TGFBRAP1: variants seen among roughly 807,000 people sequenced by gnomAD.
TGFBRAP1 encodes the protein transforming growth factor-beta receptor-associated protein 1.
Under a neutral mutation model 83.2 loss-of-function variants are expected in TGFBRAP1, and 20 were observed. That is an observed-to-expected ratio of 0.24 (90% confidence interval 0.17 to 0.35). The LOEUF (loss-of-function observed/expected upper bound fraction) is 0.35, where lower values mean the gene tolerates loss of function less well. TGFBRAP1 is among the 10% of genes least tolerant of loss of function. The pLI is 1.00. For missense variants in TGFBRAP1, 950 were observed against 1,099.4 expected (o/e 0.86, Z 1.92); for synonymous variants, 415 against 459.8 (o/e 0.90, Z 1.25).
At chr2:105,318,403 T>C (rs1005086702) in intron 1 of TGFBRAP1, among the ~76,000 whole-genome samples, 6 of 152,178 alleles carry the variant, frequency 3.9e-5, no homozygotes, top group African/African-American at 1.4e-4. Flanking sequence ...TTATTATGAC[T>C]CTCTATATCT....
intron 2 of TGFBRAP1, among the ~76,000 whole-genome samples, chr2:105,304,826 C>T (rs1678441716): frequency 1.3e-5 from 2 of 152,058 alleles, no homozygotes; most frequent in Admixed American, 6.6e-5. Context: ...CGAAAGAAGC[C>T]AATCTGAAAA....
Position 105,308,090 on chromosome 2 carries a change from C to T in TGFBRAP1, c.212G>A (p.Arg71Lys). The change falls in exon 2 of 12, where the codon AGA becomes AAA. Residue 71 changes from arginine to lysine, a missense_variant. By Grantham distance (26) the Arg-to-Lys change is conservative. Transcript: ENST00000393359. Reference protein sequence around the residue: ...ATFTATKQLQRHLGFKKPVNE... With the variant: ...ATFTATKQLQKHLGFKKPVNE... ...CACGGGCTTCTTGAAGCCCAAGTGT[C>T]TCTGCAGCTGTTTGGTGGCAGTGAA... 1 of 1,613,926 alleles carries T rather than the reference C, an allele frequency of 6.2e-7. No individual in the cohort carries two copies. The highest frequency in any genetic ancestry group is 8.5e-7 in the Non-Finnish European group (1 of 1,179,904).
In TGFBRAP1 at chr2:105,275,689, A is replaced by G; in HGVS notation, c.1536T>C (p.Ile512=). 1.2e-6 allele frequency: 2 copies of G among 1,609,330 alleles called. No homozygotes were observed. Among genetic ancestry groups the G allele is most frequent in the Non-Finnish European group, 1.7e-6 (2 of 1,178,748 alleles). ...TGGAGTCCTGGACATCGCCATTCAC[A>G]ATGTTCACCCACAACTGGAAAGGAA... ...DAAAVQLWVN[I]VNGDVQDSTR... Residue 512 remains isoleucine (I), a synonymous_variant, in exon 8 of 12, where the codon ATT becomes ATC. Transcript: ENST00000393359.
At chr2:105,259,593 GA>G (rs1407588417), downstream of TGFBRAP1, among the ~76,000 whole-genome samples, 1 of 152,150 alleles carries the variant, frequency 6.6e-6, no homozygotes. Context: ...AGGTTTATAT[GA>G]AGAGGGGTTG....
At chr2:105,287,656 G>T (rs1001532348) in intron 4 of TGFBRAP1, among the ~76,000 whole-genome samples, 5 of 152,106 alleles carry the variant, frequency 3.3e-5, no homozygotes, top group African/African-American at 1.2e-4. Flanking sequence ...GTGCAGCTGG[G>T]TGTGGCCGTC....
At chr2:105,316,465 GCGCGCGCGCGCGCGCA>G (rs1264902856) in intron 1 of TGFBRAP1, among the ~76,000 whole-genome samples, 3 of 58,474 alleles carry the variant, frequency 5.1e-5, no homozygotes, top group South Asian at 6.2e-4. Flanking sequence ...GTGTGTGTGC[GCGCGCGCGCGCGCGCA>G]CGCGCACATA....
intron 4 of TGFBRAP1, among the ~76,000 whole-genome samples, chr2:105,289,585 T>C (rs1049653020): frequency 2.0e-5 from 3 of 152,318 alleles, no homozygotes; most frequent in Admixed American, 2.0e-4. Context: ...ACTTGCACTC[T>C]GTGTAACTTG....
chr2:105,264,066 C>T (rs1031039661), downstream of TGFBRAP1, among the ~76,000 whole-genome samples: 1 of 152,126 alleles, frequency 6.6e-6, no homozygotes, highest in Non-Finnish European at 1.5e-5. Context: ...TTAAAAGGTA[C>T]GATTTTGTAA....
At chr2:105,326,362 A>G (rs566198321) in intron 1 of TGFBRAP1, among the ~76,000 whole-genome samples, 1 of 152,210 alleles carries the variant, frequency 6.6e-6, no homozygotes, top group African/African-American at 2.4e-5. Flanking sequence ...AGCAGAATAG[A>G]AATATGGCAT....
chr2:105,254,247 C>G, the TGFBRAP1 span, among the ~76,000 whole-genome samples: 227 of 152,262 alleles, frequency 1.5e-3, 2 homozygotes, highest in East Asian at 0.034. Context: ...ACCAGCTGAG[C>G]TGGAGAATTC....
At chr2:105,311,982 T>C (rs1678709883) in intron 1 of TGFBRAP1, among the ~76,000 whole-genome samples, 1 of 152,134 alleles carries the variant, frequency 6.6e-6, no homozygotes, top group Non-Finnish European at 1.5e-5. Context: ...CTAATTCACA[T>C]GATATATTTA....
chr2:105,270,847 C>T (rs1287003780), intron 10 of TGFBRAP1, among the ~76,000 whole-genome samples: 1 of 152,244 alleles, frequency 6.6e-6, no homozygotes, highest in African/African-American at 2.4e-5. Flanking sequence ...GTGATTTACA[C>T]TTCCACATCT....
the TGFBRAP1 span, among the ~76,000 whole-genome samples, chr2:105,257,324 G>A: frequency 1.3e-5 from 2 of 152,122 alleles, no homozygotes; most frequent in Non-Finnish European, 2.9e-5. Context: ...GATTTTAAGT[G>A]TATAGTTCTG....
chr2:105,301,774 C>T (rs1678303291), intron 2 of TGFBRAP1, among the ~76,000 whole-genome samples: 1 of 152,004 alleles, frequency 6.6e-6, no homozygotes. Context: ...GTTGCACAGG[C>T]TGGAGTGTAG....
downstream of TGFBRAP1, among the ~76,000 whole-genome samples, chr2:105,261,701 G>C (rs571450891): frequency 6.6e-6 from 1 of 152,072 alleles, no homozygotes; most frequent in African/African-American, 2.4e-5. Flanking sequence ...ACAGTGAGCC[G>C]AGATCACGCC....
At chr2:105,311,153 A>AAAC (rs879907179) in intron 1 of TGFBRAP1, among the ~76,000 whole-genome samples, 9 of 143,978 alleles carry the variant, frequency 6.3e-5, no homozygotes, top group African/African-American at 2.2e-4. Context: ...TGTAAAAAAA[A>AAAC]AAAAAAAACA....
chr2:105,329,604 C>T (rs1456436856), intron 1 of TGFBRAP1, 21 bp downstream of exon 1: 1 of 148,418 alleles, frequency 6.7e-6, no homozygotes, highest in African/African-American at 2.4e-5. Context: ...CACCCCGCGC[C>T]CCGCCGCCCT....
At chr2:105,278,830 A>G (rs562389767) in intron 6 of TGFBRAP1, among the ~76,000 whole-genome samples, 5 of 151,938 alleles carry the variant, frequency 3.3e-5, no homozygotes, top group Non-Finnish European at 5.9e-5. Flanking sequence ...TACGGATCCC[A>G]CCATCCCTTG....
downstream of TGFBRAP1, among the ~76,000 whole-genome samples, chr2:105,263,142 A>C (rs563649927): frequency 9.2e-5 from 14 of 152,242 alleles, no homozygotes; most frequent in Non-Finnish European, 1.8e-4. Context: ...CCGTTGTAAC[A>C]TTCTCACAAT....
Sources: gnomAD v4.1 joint callset for allele counts (sites outside exome capture counted in the v4.1 genomes callset) on GRCh38, gnomAD v4.1.1 for gene constraint, MANE v1.5 for transcripts, NCBI Gene and HGNC (gene_info 2026-07-23, HGNC 2026-07-21) for gene names.